PTBP2: variants seen among roughly 807,000 people sequenced by gnomAD.
The protein encoded by PTBP2 is polypyrimidine tract binding protein 2, also known as polypyrimidine tract-binding protein 2.
PTBP2 carries 13 observed loss-of-function variants against 61.4 expected under a neutral mutation model. The observed-to-expected ratio is 0.21, with a 90% CI of 0.14 to 0.34. The LOEUF (loss-of-function observed/expected upper bound fraction) is 0.34, where lower values mean the gene tolerates loss of function less well. PTBP2 is among the 10% of genes least tolerant of loss of function. The pLI is 1.00. For synonymous variants in PTBP2, 215 were observed against 218.5 expected (o/e 0.98, Z 0.14); for missense variants, 405 against 642.6 (o/e 0.63, Z 4.00).
At chr1:96,764,397 A>G (rs190922902) in intron 3 of PTBP2, among the ~76,000 whole-genome samples, 54 of 152,340 alleles carry the variant, frequency 3.5e-4, no homozygotes, top group Non-Finnish European at 7.1e-4. Flanking sequence ...AGTGACTATG[A>G]GGCTTGACAA....
chr1:96,773,162 C>T (rs1410771340), intron 5 of PTBP2, among the ~76,000 whole-genome samples: 2 of 148,452 alleles, frequency 1.3e-5, no homozygotes, highest in Non-Finnish European at 3.0e-5. Flanking sequence ...AAGCTGAGGC[C>T]TACACATGGA....
At chr1:96,749,721 A>G (rs1197362865) in intron 2 of PTBP2, 2 of 452,380 alleles carry the variant, frequency 4.4e-6, no homozygotes, top group South Asian at 3.1e-5. Context: ...ATATGTGGGG[A>G]CATTGTACTT....
intron 2 of PTBP2, among the ~76,000 whole-genome samples, chr1:96,739,062 A>G (rs747737022): frequency 6.6e-6 from 1 of 152,188 alleles, no homozygotes; most frequent in Non-Finnish European, 1.5e-5. Context: ...AAATGCATAC[A>G]ATTTATATGT....
intron 8 of PTBP2, among the ~76,000 whole-genome samples, chr1:96,788,816 C>T (rs895198063): frequency 1.3e-5 from 2 of 151,998 alleles, no homozygotes; most frequent in Non-Finnish European, 2.9e-5. Context: ...TTAAGACTAA[C>T]ATTTATGTCT....
intron 8 of PTBP2, among the ~76,000 whole-genome samples, chr1:96,792,635 A>G (rs1451509207): frequency 6.6e-6 from 1 of 152,130 alleles, no homozygotes; most frequent in Non-Finnish European, 1.5e-5. Context: ...TACCAAGTCC[A>G]TTAAGTATTT....
At chr1:96,788,200 T>A (rs1570949387) in intron 8 of PTBP2, among the ~76,000 whole-genome samples, 1 of 152,166 alleles carries the variant, frequency 6.6e-6, no homozygotes, top group South Asian at 2.1e-4. Flanking sequence ...TCTGTTAGGA[T>A]GTACGGTAAT....
At chr1:96,759,520 C>T (rs1031519141) in intron 3 of PTBP2, among the ~76,000 whole-genome samples, 3 of 152,092 alleles carry the variant, frequency 2.0e-5, no homozygotes, top group Non-Finnish European at 4.4e-5. Flanking sequence ...GCAAAAGAAA[C>T]TTAAACCCTA....
chr1:96,746,833 CTGT>C (rs1653844007), intron 2 of PTBP2, among the ~76,000 whole-genome samples: 5 of 129,278 alleles, frequency 3.9e-5, no homozygotes, highest in Middle Eastern at 4.2e-3. Flanking sequence ...GTCTGTCTGT[CTGT>C]CTCCCTCCCT....
intron 5 of PTBP2, among the ~76,000 whole-genome samples, chr1:96,772,749 T>C (rs999676604): frequency 6.6e-6 from 1 of 152,170 alleles, no homozygotes; most frequent in Non-Finnish European, 1.5e-5. Context: ...CCATTTCTAG[T>C]TCGTTATTAT....
chr1:96,723,874 C>T (rs562347149), intron 2 of PTBP2, among the ~76,000 whole-genome samples: 1 of 152,192 alleles, frequency 6.6e-6, no homozygotes, highest in African/African-American at 2.4e-5. Flanking sequence ...AAACGATACC[C>T]CAATTTTCTG....
At chr1:96,776,890 A>G (rs573781162) in intron 5 of PTBP2, among the ~76,000 whole-genome samples, 5 of 152,084 alleles carry the variant, frequency 3.3e-5, no homozygotes, top group Admixed American at 2.0e-4. Context: ...GCAATAGTCT[A>G]TCTTCCATAG....
intron 5 of PTBP2, among the ~76,000 whole-genome samples, chr1:96,776,463 A>G (rs995440531): frequency 6.6e-6 from 1 of 151,950 alleles, no homozygotes; most frequent in Non-Finnish European, 1.5e-5. Context: ...GATTGTTTAG[A>G]TATATATCTG....
intron 1 of PTBP2, 139 bp downstream of exon 1, chr1:96,722,011 A>G (rs1649638138): frequency 9.0e-7 from 1 of 1,113,738 alleles, no homozygotes; most frequent in South Asian, 1.4e-5. Context: ...GCCCCATCGC[A>G]CACACCCCTC....
intron 2 of PTBP2, among the ~76,000 whole-genome samples, chr1:96,727,627 G>A (rs1007891829): frequency 6.6e-6 from 1 of 151,970 alleles, no homozygotes; most frequent in African/African-American, 2.4e-5. Flanking sequence ...GATTTAATTT[G>A]CATTCCTCTA....
intron 5 of PTBP2, among the ~76,000 whole-genome samples, chr1:96,773,688 G>A (rs1199180998): frequency 6.6e-6 from 1 of 151,974 alleles, no homozygotes; most frequent in Non-Finnish European, 1.5e-5. Flanking sequence ...TAGAATTTCT[G>A]GTACCAGGCT....
chr1:96,797,633 C>T (rs963843951), intron 8 of PTBP2, among the ~76,000 whole-genome samples: 5 of 152,050 alleles, frequency 3.3e-5, no homozygotes, highest in African/African-American at 1.2e-4. Context: ...CCCCTGGATA[C>T]TCAAATCCAC....
chr1:96,732,102 T>C (rs1332792456), intron 2 of PTBP2, among the ~76,000 whole-genome samples: 2 of 152,206 alleles, frequency 1.3e-5, no homozygotes, highest in Non-Finnish European at 2.9e-5. Flanking sequence ...ATGTTAGCTT[T>C]TTCTAAATAT....
At chr1:96,818,380 T>C (rs972758536), downstream of PTBP2, 1 of 152,114 alleles carries the variant, frequency 6.6e-6, no homozygotes, top group African/African-American at 2.4e-5. Flanking sequence ...TCTCATCTCC[T>C]TTATTAATGC....
rs66475516 is a variant in PTBP2 at position 96,813,661 on chromosome 1, CTTT to C, written c.*275_*277del. 87 of 122,268 alleles carry C rather than the reference CTTT, an allele frequency of 7.1e-4. No homozygotes were observed. The highest frequency in any genetic ancestry group is 9.8e-4 in the Non-Finnish European group (65 of 66,550). 7.6% of individuals were successfully genotyped at this position (122,268 alleles called of 1,614,324 possible). A position where few individuals can be genotyped will look rare whatever the true frequency, so the allele number is the denominator to read the frequency against. Reference sequence around the variant, plus strand: ...TGTTTAAAATTTCAGTTTAATTTTGCTTTTTTTTTTTTTTTTTTTTTCCTTTCA... The same window carrying C: ...TGTTTAAAATTTCAGTTTAATTTTGCTTTTTTTTTTTTTTTTTTCCTTTCA... On this transcript the variant is annotated 3_prime_UTR_variant, in exon 14 of 14. Transcript: ENST00000674951.
Sources: gnomAD v4.1 joint callset for allele counts (sites outside exome capture counted in the v4.1 genomes callset) on GRCh38, gnomAD v4.1.1 for gene constraint, MANE v1.5 for transcripts, NCBI Gene and HGNC (gene_info 2026-07-23, HGNC 2026-07-21) for gene names.